The following KIF13B variants were observed in gnomAD, a reference collection of about 807,000 sequenced individuals.
KIF13B encodes the protein kinesin family member 13B, also known as kinesin-like protein KIF13B.
KIF13B carries 127 observed loss-of-function variants against 222.0 expected under a neutral mutation model. The ratio of observed to expected loss-of-function variants is 0.57; its 90% confidence interval spans 0.50 to 0.66. KIF13B has a LOEUF of 0.66. Among genes scored for constraint, KIF13B ranks in the 30% least tolerant of loss-of-function variants. KIF13B has a pLI of 0.00. For missense variants in KIF13B, 2,173 were observed against 2,379.0 expected (o/e 0.91, Z 1.80); for synonymous variants, 976 against 919.0 (o/e 1.06, Z -1.12).
chr8:29,223,617 T>A (rs1814868995), intron 2 of KIF13B, among the ~76,000 whole-genome samples: 1 of 152,230 alleles, frequency 6.6e-6, no homozygotes, highest in Non-Finnish European at 1.5e-5. Context: ...ACAAGCCAGA[T>A]GATAAAGATA....
chr8:29,166,354 A>C (rs916999154), intron 11 of KIF13B, among the ~76,000 whole-genome samples: 5 of 152,224 alleles, frequency 3.3e-5, no homozygotes, highest in Non-Finnish European at 7.3e-5. Context: ...AGCAAACTCC[A>C]GAAAGAGCCC....
intron 14 of KIF13B, among the ~76,000 whole-genome samples, chr8:29,153,817 C>A (rs1322411733): frequency 6.6e-6 from 1 of 152,174 alleles, no homozygotes; most frequent in African/African-American, 2.4e-5. Flanking sequence ...ACTCTGTAAT[C>A]CAAGCCCAGC....
At chr8:29,186,965 T>A (rs990691260) in intron 5 of KIF13B, among the ~76,000 whole-genome samples, 1 of 136,436 alleles carries the variant, frequency 7.3e-6, no homozygotes, top group African/African-American at 2.8e-5. Context: ...CAACACTCCA[T>A]CTCCAAAAAA....
chr8:29,262,484 C>T (rs1816713875), intron 1 of KIF13B, among the ~76,000 whole-genome samples: 1 of 152,262 alleles, frequency 6.6e-6, no homozygotes, highest in East Asian at 1.9e-4. Context: ...CTTCCCGCCG[C>T]GGGCCAAGGC....
chr8:29,232,102 CA>C (rs972082179), intron 2 of KIF13B, among the ~76,000 whole-genome samples: 5 of 151,112 alleles, frequency 3.3e-5, no homozygotes, highest in African/African-American at 1.2e-4. Context: ...AAAAAACACA[CA>C]AAAATTAGCA....
intron 21 of KIF13B, among the ~76,000 whole-genome samples, chr8:29,139,068 T>C (rs987423332): frequency 6.6e-6 from 1 of 151,960 alleles, no homozygotes; most frequent in Non-Finnish European, 1.5e-5. Context: ...AGTGGCTGAG[T>C]GTATGAATGA....
chr8:29,183,706 A>G (rs1271001535), intron 6 of KIF13B, among the ~76,000 whole-genome samples: 1 of 152,228 alleles, frequency 6.6e-6, no homozygotes, highest in East Asian at 1.9e-4. Flanking sequence ...GCACATAAGA[A>G]TCACTAAGTG....
intron 35 of KIF13B, among the ~76,000 whole-genome samples, chr8:29,106,836 G>A (rs1283920925): frequency 1.3e-5 from 2 of 151,336 alleles, no homozygotes; most frequent in Non-Finnish European, 2.9e-5. Context: ...ACGCTGCCTC[G>A]TAGATTTGAA....
At chr8:29,232,916 G>A (rs532996566) in intron 2 of KIF13B, among the ~76,000 whole-genome samples, 10 of 152,244 alleles carry the variant, frequency 6.6e-5, no homozygotes, top group African/African-American at 1.7e-4. Flanking sequence ...CAGCACTTTC[G>A]GAGGCCAAGG....
chr8:29,148,889 T>C (rs1393829679), intron 15 of KIF13B, 122 bp from the exon 16 acceptor site: 1 of 697,626 alleles, frequency 1.4e-6, no homozygotes, highest in African/African-American at 1.8e-5. Flanking sequence ...GCAATTACTG[T>C]ACTCAGGAAG....
intron 23 of KIF13B, among the ~76,000 whole-genome samples, 156 bp downstream of exon 23, chr8:29,132,152 A>G (rs1331276237): frequency 6.6e-6 from 1 of 152,168 alleles, no homozygotes; most frequent in South Asian, 2.1e-4. Context: ...AGGCTGAGGC[A>G]AGAGAATTGC....
At position 29,069,792 on chromosome 8, in the gene KIF13B, C is replaced by T. The variant is rs1270347708; in HGVS notation, c.*712G>A. The T allele has an allele frequency of 2.6e-5, 4 of 152,372 alleles. No individual in the cohort carries two copies. Among genetic ancestry groups the T allele is most frequent in the East Asian group, 3.9e-4 (2 of 5,184 alleles). The allele number at this position is 152,372 out of a possible 1,614,324, so 9.4% of individuals were successfully genotyped here. On this transcript the variant is annotated 3_prime_UTR_variant, in exon 40 of 40. Coordinates refer to ENST00000524189, the MANE Select transcript of KIF13B (RefSeq NM_015254.4). ...CCAAGCCTTCTGTGAAGGGAATAAA[C>T]GGCAAACATAAGAGACTTTCCAGGT...
chr8:29,125,312 A>G (rs1179061086), intron 26 of KIF13B, among the ~76,000 whole-genome samples: 1 of 152,162 alleles, frequency 6.6e-6, no homozygotes, highest in Non-Finnish European at 1.5e-5. Flanking sequence ...TTTTCTAATA[A>G]GGTTACAAGA....
At chr8:29,122,732 G>C in intron 28 of KIF13B, 86 bp from the exon 29 acceptor site, 2 of 1,047,792 alleles carry the variant, frequency 1.9e-6, no homozygotes, top group South Asian at 2.7e-5. Flanking sequence ...TGGCATTCAG[G>C]GCTGTTACAG....
chr8:29,207,266 G>C (rs1164437867), intron 2 of KIF13B, among the ~76,000 whole-genome samples: 2 of 152,060 alleles, frequency 1.3e-5, no homozygotes. Flanking sequence ...TATCCTTTCG[G>C]TTACCAGGGT....
chr8:29,108,800 T>C lies in KIF13B; in HGVS notation c.4162-608A>G, dbSNP rs548168661. 5.9e-5 allele frequency among the ~76,000 whole-genome samples: 9 copies of C among 152,338 alleles called. No individual in the cohort carries two copies. The East Asian group carries it at 1.5e-3, about 26-fold the overall frequency. On this transcript the variant is annotated intron_variant, in intron 34 of 39. Coordinates refer to ENST00000524189, the MANE Select transcript of KIF13B (RefSeq NM_015254.4). ...CAGCTGCCCTTTCTCACAATGCTTGTGCTGTAACTTCTCTTGGTGTGAAGT... is the reference window on the plus strand; with the variant it reads ...CAGCTGCCCTTTCTCACAATGCTTGCGCTGTAACTTCTCTTGGTGTGAAGT...
intron 35 of KIF13B, among the ~76,000 whole-genome samples, chr8:29,107,380 T>C (rs1265553130): frequency 6.6e-6 from 1 of 151,500 alleles, no homozygotes; most frequent in Non-Finnish European, 1.5e-5. Context: ...ACATAAAAAT[T>C]AGCTGGGTGT....
intron 35 of KIF13B, among the ~76,000 whole-genome samples, chr8:29,101,821 C>T (rs1164061904): frequency 1.3e-5 from 2 of 152,158 alleles, no homozygotes; most frequent in African/African-American, 4.8e-5. Flanking sequence ...AGGGAGCAAC[C>T]AATGCAGATG....
chr8:29,069,694 C>T lies in KIF13B; in HGVS notation c.*810G>A, dbSNP rs373030514. 6 of 152,326 alleles carry T rather than the reference C, an allele frequency of 3.9e-5. No homozygotes were observed. The highest frequency in any genetic ancestry group is 2.1e-4 in the South Asian group (1 of 4,830). The allele number at this position is 152,326 out of a possible 1,614,324, so 9.4% of individuals were successfully genotyped here. ...GTGCAAGGCAGGCCCTGGGCCCCCC[C>T]ACACAGGCAGACGACGATTGCGGCT... On this transcript the variant is annotated 3_prime_UTR_variant, in exon 40 of 40. Coordinates refer to ENST00000524189, the MANE Select transcript of KIF13B (RefSeq NM_015254.4).
Sources: gnomAD v4.1 joint callset for allele counts (sites outside exome capture counted in the v4.1 genomes callset) on GRCh38, gnomAD v4.1.1 for gene constraint, MANE v1.5 for transcripts, NCBI Gene and HGNC (gene_info 2026-07-23, HGNC 2026-07-21) for gene names.